CXorf58: variants seen among roughly 807,000 people sequenced by gnomAD.
CXorf58 encodes uncharacterized protein CXorf58.
CXorf58 carries 24 observed loss-of-function variants against 26.0 expected under a neutral mutation model. The ratio of observed to expected loss-of-function variants is 0.92; its 90% CI spans 0.67 to 1.30. CXorf58 has a LOEUF of 1.30. Among genes scored for constraint, CXorf58 ranks in the 50% most tolerant of loss-of-function variants. CXorf58 has a pLI of 0.00. For synonymous variants in CXorf58, 87 were observed against 86.1 expected, an observed-to-expected ratio of 1.01 and a Z score of -0.06; for missense variants, 236 against 263.9, an observed-to-expected ratio of 0.89 and a Z score of 0.73.
intron 6 of CXorf58, among the ~76,000 whole-genome samples, chrX:23,931,505 C>T (rs1357058845): frequency 8.9e-6 from 1 of 112,102 alleles, no homozygotes; most frequent in African/African-American, 3.2e-5. Context: ...ACAGACAGAT[C>T]TGATAAGTGG....
chrX:23,915,726 G>A lies in CXorf58; in HGVS notation c.243G>A (p.Leu81=), dbSNP rs1927702650. The change falls in exon 4 of 9, where the codon CTG becomes CTA. Residue 81 remains leucine (L), a synonymous_variant. Coordinates refer to ENST00000379211, the MANE Select transcript of CXorf58 (RefSeq NM_152761.3). Reference sequence around the variant, plus strand: ...AATTCTATGTAACACATGAAATACTGAAGAAAGTGGCCCCCTTAGAGGCTA... The same window carrying A: ...AATTCTATGTAACACATGAAATACTAAAGAAAGTGGCCCCCTTAGAGGCTA... The part of the protein sequence containing the change: ...AAEFYVTHEI[L]KKVAPLEAKL... 1 of 1,193,358 alleles carries A rather than the reference G, an allele frequency of 8.4e-7. No individual in the cohort carries two copies. The highest frequency in any genetic ancestry group is 3.0e-5 in the East Asian group (1 of 33,754).
chrX:23,924,284 T>C lies in CXorf58; in HGVS notation c.424-2955T>C, dbSNP rs1024973951. ...TTGCAAGAAAACATAATGGAGAGATTTGCCAATACTATCTTTATTTTATTT... is the reference window on the plus strand; with the variant it reads ...TTGCAAGAAAACATAATGGAGAGATCTGCCAATACTATCTTTATTTTATTT... On this transcript the variant is annotated intron_variant, in intron 5 of 8. Transcript: ENST00000379211. 1.2e-3 allele frequency among the ~76,000 whole-genome samples: 125 copies of C among 106,250 alleles called. 7 individuals carry two copies. Among genetic ancestry groups the C allele is most frequent in the Non-Finnish European group, 2.5e-4 (13 of 52,396 alleles). The allele number at this position is 106,250 out of a possible 115,157, so 92.3% of individuals were successfully genotyped here.
At chrX:23,915,897 CA>C (rs1927708333) in intron 4 of CXorf58, 103 bp downstream of exon 4, 1 of 490,672 alleles carries the variant, frequency 2.0e-6, no homozygotes, top group African/African-American at 2.4e-5. Context: ...AACTTAATTA[CA>C]AAGTAAATGT....
Position 23,927,267 on chromosome X carries a change from G to A in CXorf58, c.452G>A (p.Gly151Glu). The A allele has an allele frequency of 8.6e-7, 1 of 1,163,107 alleles. No individual in the cohort carries two copies. Among genetic ancestry groups the A allele is most frequent in the Non-Finnish European group, 1.2e-6 (1 of 866,412 alleles). Residue 151 changes from glycine to glutamate, a missense_variant, in exon 6 of 9, where the codon GGG becomes GAG. Transcript: ENST00000379211. ...GTGGATGATGCTTGCAAACTAATGG[G>A]GGAAAGGAAATTTCACCGTATAATT... is the stretch of plus-strand genomic sequence containing the variant. Reference protein sequence around the residue: ...KAVDDACKLMGERKFHRIIME... With the variant: ...KAVDDACKLMEERKFHRIIME...
At position 23,935,188 on chromosome X, in the gene CXorf58, C is replaced by G. The variant is rs773507663; in HGVS notation, c.556-8C>G. 2.2e-5 allele frequency: 26 copies of G among 1,189,767 alleles called. No homozygotes were observed. The highest frequency in any genetic ancestry group is 3.0e-5 in the Non-Finnish European group (26 of 879,116). ...GCCAACTTAATCGTTCTTGTTTTTT[C>G]CCTACAGTATCGCAGTTTTTTCGAT... On this transcript the variant is annotated splice_polypyrimidine_tract_variant and splice_region_variant and intron_variant, in intron 6 of 8. Transcript: ENST00000379211.
At chrX:23,924,729 G>A (rs1197964153) in intron 5 of CXorf58, among the ~76,000 whole-genome samples, 3 of 109,744 alleles carry the variant, frequency 2.7e-5, no homozygotes, top group Admixed American at 2.0e-4. Context: ...ACGAGTTGAT[G>A]GGTGCAGCAC....
intron 6 of CXorf58, among the ~76,000 whole-genome samples, chrX:23,934,939 A>G (rs1002538151): frequency 1.8e-5 from 2 of 109,240 alleles, no homozygotes; most frequent in Non-Finnish European, 3.8e-5. Flanking sequence ...ATCTTGGCTC[A>G]CCGCAACCTC....
At chrX:23,932,250 T>A (rs1928180696) in intron 6 of CXorf58, among the ~76,000 whole-genome samples, 1 of 112,062 alleles carries the variant, frequency 8.9e-6, no homozygotes, top group African/African-American at 3.2e-5. Flanking sequence ...CAGTATGAAG[T>A]TTTTTTTGGC....
chrX:23,915,652 T>C, intron 3 of CXorf58, 48 bp from the exon 4 acceptor site: 1 of 756,340 alleles, frequency 1.3e-6, no homozygotes, highest in Non-Finnish European at 2.0e-6. Context: ...ATAAATTGTG[T>C]CTGGGTGGGA....
chrX:23,937,028 A>ATTTC (rs1365460512), intron 7 of CXorf58, among the ~76,000 whole-genome samples: 26 of 112,616 alleles, frequency 2.3e-4, no homozygotes, highest in African/African-American at 7.7e-4. Context: ...CAAATTATTA[A>ATTTC]TCAATTGAAG....
At chrX:23,919,757 T>G (rs1216137869) in intron 5 of CXorf58, among the ~76,000 whole-genome samples, 2 of 112,563 alleles carry the variant, frequency 1.8e-5, no homozygotes, top group African/African-American at 3.2e-5. Flanking sequence ...CTTTACAGTC[T>G]GCGCTTGTTT....
chrX:23,922,989 A>G (rs930993553), intron 5 of CXorf58, among the ~76,000 whole-genome samples: 1 of 111,905 alleles, frequency 8.9e-6, no homozygotes, highest in Admixed American at 9.5e-5. Flanking sequence ...TGAGTCACCC[A>G]CTAAGAACAG....
chrX:23,933,569 A>T (rs140509455), intron 6 of CXorf58, among the ~76,000 whole-genome samples: 2 of 109,997 alleles, frequency 1.8e-5, no homozygotes, highest in East Asian at 2.8e-4. Flanking sequence ...AGCCTGGGCA[A>T]CATAGTGAGA....
intron 5 of CXorf58, among the ~76,000 whole-genome samples, chrX:23,919,044 G>A (rs1927799292): frequency 9.0e-6 from 1 of 111,477 alleles, no homozygotes; most frequent in Admixed American, 9.7e-5. Context: ...TAAATGCCTT[G>A]AGGTAGTCTT....
chrX:23,937,582 C>T (rs1449950888), intron 7 of CXorf58, among the ~76,000 whole-genome samples: 1 of 109,408 alleles, frequency 9.1e-6, no homozygotes, highest in Non-Finnish European at 1.9e-5. Context: ...TGTGCCACCA[C>T]GCCTGGCTAA....
intron 6 of CXorf58, among the ~76,000 whole-genome samples, chrX:23,928,915 T>C (rs936237976): frequency 1.8e-5 from 2 of 111,447 alleles, no homozygotes; most frequent in Non-Finnish European, 3.8e-5. Flanking sequence ...AATCAAAAGC[T>C]AGAAATGACG....
intron 6 of CXorf58, among the ~76,000 whole-genome samples, chrX:23,929,233 C>T (rs1928091077): frequency 9.2e-6 from 1 of 108,428 alleles, no homozygotes; most frequent in Admixed American, 1.0e-4. Context: ...GGTGAAACCC[C>T]GTCTCTACTA....
chrX:23,930,977 C>T (rs1928154338), intron 6 of CXorf58, among the ~76,000 whole-genome samples: 2 of 111,288 alleles, frequency 1.8e-5, no homozygotes, highest in Admixed American at 1.9e-4. Flanking sequence ...ATAATGTAAA[C>T]ATAACTTTTA....
Position 23,934,989 on chromosome X carries a change from C to T in CXorf58, c.556-207C>T, listed in dbSNP as rs919337409. On this transcript the variant is annotated intron_variant, in intron 6 of 8. Transcript: ENST00000379211. Reference sequence around the variant, plus strand: ...AAGCAATTCTCCTGCCTGAGCCTCCCGAGTAGCTGGAACCACAGGCACAAG... The same window carrying T: ...AAGCAATTCTCCTGCCTGAGCCTCCTGAGTAGCTGGAACCACAGGCACAAG... Among the ~76,000 whole-genome samples the T allele has an allele frequency of 6.4e-5, 7 of 109,988 alleles. No individual in the cohort carries two copies. The East Asian group carries it at 1.1e-3, about 18-fold the overall frequency.
Sources: gnomAD v4.1 joint callset for allele counts (sites outside exome capture counted in the v4.1 genomes callset) on GRCh38, gnomAD v4.1.1 for gene constraint, MANE v1.5 for transcripts, NCBI Gene and HGNC (gene_info 2026-07-23, HGNC 2026-07-21) for gene names.